Variants in PAPPA2 observed in about 807,000 individuals in gnomAD.
The protein encoded by PAPPA2 is pappalysin-2.
A neutral mutation model predicts 176.4 loss-of-function variants in PAPPA2; 86 were observed. The ratio of observed to expected loss-of-function variants is 0.49; its 90% CI spans 0.41 to 0.58. The LOEUF (loss-of-function observed/expected upper bound fraction) is 0.58, where lower values mean the gene tolerates loss of function less well. Ranked by LOEUF, PAPPA2 falls within the 20% of genes least tolerant of loss-of-function variation. The pLI, the probability that PAPPA2 is intolerant of heterozygous loss-of-function variation, is 0.00. For synonymous variants in PAPPA2, 809 were observed against 852.2 expected, an observed-to-expected ratio of 0.95 and a Z score of 0.88; for missense variants, 2,073 against 2,256.9, an observed-to-expected ratio of 0.92 and a Z score of 1.65.
chr1:176,478,482 C>T (rs563263517), intron 1 of PAPPA2, among the ~76,000 whole-genome samples: 1 of 152,330 alleles, frequency 6.6e-6, no homozygotes, highest in African/African-American at 2.4e-5. Flanking sequence ...CTACTGATGT[C>T]ATGAGGACTG....
At chr1:176,828,134 A>G (rs7540375) in intron 21 of PAPPA2, among the ~76,000 whole-genome samples, 13,209 of 152,162 alleles carry the variant, frequency 0.087, 638 homozygotes, top group African/African-American at 0.11. Flanking sequence ...ACACCAGACA[A>G]TGGCTCTATC....
intron 15 of PAPPA2, among the ~76,000 whole-genome samples, chr1:176,766,604 C>T (rs917806959): frequency 2.0e-5 from 3 of 152,054 alleles, no homozygotes; most frequent in African/African-American, 7.2e-5. Context: ...AATTTAAATG[C>T]TTTTAGCAAA....
chr1:176,504,683 C>G (rs569302502), intron 1 of PAPPA2, among the ~76,000 whole-genome samples: 1 of 152,124 alleles, frequency 6.6e-6, no homozygotes, highest in Non-Finnish European at 1.5e-5. Context: ...TACATTTCCC[C>G]TCTCTTTGGA....
At chr1:176,504,120 A>C (rs1468932026) in intron 1 of PAPPA2, among the ~76,000 whole-genome samples, 1 of 152,088 alleles carries the variant, frequency 6.6e-6, no homozygotes, top group East Asian at 1.9e-4. Context: ...TCTATGACAT[A>C]CTGTGACACT....
chr1:176,530,223 C>G (rs537100753), intron 1 of PAPPA2, among the ~76,000 whole-genome samples: 27 of 152,318 alleles, frequency 1.8e-4, no homozygotes, highest in African/African-American at 6.5e-4. Flanking sequence ...ACCTACAAGT[C>G]ACAATTTCAA....
intron 22 of PAPPA2, among the ~76,000 whole-genome samples, chr1:176,841,953 A>G (rs1384011636): frequency 1.3e-5 from 2 of 152,186 alleles, no homozygotes; most frequent in African/African-American, 4.8e-5. Flanking sequence ...CCTTCCCTGT[A>G]AAGAGAAAAT....
At chr1:176,745,107 A>C (rs530441231) in intron 14 of PAPPA2, among the ~76,000 whole-genome samples, 2 of 152,150 alleles carry the variant, frequency 1.3e-5, no homozygotes, top group African/African-American at 4.8e-5. Flanking sequence ...CTTGGTTCCA[A>C]ATCCACCCTC....
chr1:176,754,019 T>G (rs76219479), intron 14 of PAPPA2, among the ~76,000 whole-genome samples: 1 of 132,216 alleles, frequency 7.6e-6, no homozygotes, highest in Non-Finnish European at 1.7e-5. Flanking sequence ...TTTCAACTGT[T>G]TTTTTTTTTT....
At chr1:176,682,530 A>G (rs1659634392) in intron 4 of PAPPA2, among the ~76,000 whole-genome samples, 3 of 152,114 alleles carry the variant, frequency 2.0e-5, no homozygotes, top group Non-Finnish European at 4.4e-5. Context: ...GTACATATTT[A>G]TGGGGTACAT....
At chr1:176,560,262 T>C (rs1488550235) in intron 2 of PAPPA2, among the ~76,000 whole-genome samples, 1 of 152,174 alleles carries the variant, frequency 6.6e-6, no homozygotes, top group Non-Finnish European at 1.5e-5. Flanking sequence ...GAAAATCAAC[T>C]AAAGTTTCCC....
chr1:176,690,477 C>T (rs1386241946), intron 5 of PAPPA2, 47 bp downstream of exon 5: 12 of 1,587,270 alleles, frequency 7.6e-6, no homozygotes, highest in South Asian at 2.3e-5. Context: ...TACATGGGGG[C>T]CTTTGAGAGC....
intron 1 of PAPPA2, among the ~76,000 whole-genome samples, chr1:176,498,766 A>AAAAAAAAAAAAAAAAAAAAAG (rs1558403308): frequency 1.3e-5 from 2 of 151,392 alleles, no homozygotes; most frequent in East Asian, 3.9e-4. Flanking sequence ...AAAAAAAAAA[A>AAAAAAAAAAAAAAAAAAAAAG]GAAGAAGAAA....
At chr1:176,677,382 G>C (rs887428810) in intron 4 of PAPPA2, among the ~76,000 whole-genome samples, 6 of 152,288 alleles carry the variant, frequency 3.9e-5, no homozygotes, top group Middle Eastern at 3.4e-3. Context: ...AAGTCACTAT[G>C]TGGAAAGACC....
chr1:176,512,693 G>A (rs1362995183), intron 1 of PAPPA2, among the ~76,000 whole-genome samples: 17 of 152,132 alleles, frequency 1.1e-4, no homozygotes, highest in Admixed American at 1.1e-3. Context: ...ACACTGATGT[G>A]TGCATATATA....
At chr1:176,737,339 T>C (rs528599441) in intron 12 of PAPPA2, among the ~76,000 whole-genome samples, 1 of 152,176 alleles carries the variant, frequency 6.6e-6, no homozygotes, top group South Asian at 2.1e-4. Flanking sequence ...ATTTAGTGGG[T>C]TCCTTTTGCC....
chr1:176,532,687 A>C (rs981242512), intron 1 of PAPPA2, among the ~76,000 whole-genome samples: 4 of 151,866 alleles, frequency 2.6e-5, no homozygotes, highest in Admixed American at 2.0e-4. Flanking sequence ...TCACTCTCTC[A>C]CTTCAGACGC....
intron 1 of PAPPA2, among the ~76,000 whole-genome samples, chr1:176,542,682 A>G (rs1650425079): frequency 6.6e-6 from 1 of 152,194 alleles, no homozygotes; most frequent in African/African-American, 2.4e-5. Flanking sequence ...ACATCTGACA[A>G]GCTTACGGGC....
intron 1 of PAPPA2, among the ~76,000 whole-genome samples, chr1:176,508,577 GA>G (rs1329627936): frequency 6.7e-6 from 1 of 149,320 alleles, no homozygotes; most frequent in African/African-American, 2.5e-5. Context: ...GTATATATAG[GA>G]AAAAAAGTAA....
intron 1 of PAPPA2, among the ~76,000 whole-genome samples, chr1:176,527,177 A>T (rs1443561096): frequency 6.6e-6 from 1 of 152,184 alleles, no homozygotes; most frequent in Non-Finnish European, 1.5e-5. Context: ...GAGGTGAAAG[A>T]TATTGTATCG....
Sources: gnomAD v4.1 joint callset for allele counts (sites outside exome capture counted in the v4.1 genomes callset) on GRCh38, gnomAD v4.1.1 for gene constraint, MANE v1.5 for transcripts, NCBI Gene and HGNC (gene_info 2026-07-23, HGNC 2026-07-21) for gene names.